Variants in PPP2R2B observed in about 807,000 individuals in gnomAD.
PPP2R2B encodes the protein protein phosphatase 2 regulatory subunit Bbeta, also known as serine/threonine-protein phosphatase 2A 55 kDa regulatory subunit B beta isoform.
A neutral mutation model predicts 46.0 loss-of-function variants in PPP2R2B; 5 were observed. That is an observed-to-expected ratio of 0.11 (90% CI 0.06 to 0.23). PPP2R2B has a LOEUF of 0.23. Among genes scored for constraint, PPP2R2B ranks in the 10% least tolerant of loss-of-function variants. The pLI is 1.00. For synonymous variants in PPP2R2B, 215 were observed against 206.7 expected (o/e 1.04, Z -0.34); for missense variants, 367 against 575.0 (o/e 0.64, Z 3.70).
intron 2 of PPP2R2B, among the ~76,000 whole-genome samples, chr5:146,711,324 G>A (rs1375253872): frequency 6.6e-6 from 1 of 152,034 alleles, no homozygotes; most frequent in East Asian, 1.9e-4. Context: ...CAATACCAAA[G>A]TGGACCAACA....
At chr5:147,044,448 G>A (rs1048165150) in intron 1 of PPP2R2B, among the ~76,000 whole-genome samples, 1 of 152,106 alleles carries the variant, frequency 6.6e-6, no homozygotes, top group Non-Finnish European at 1.5e-5. Flanking sequence ...GATGGGAATA[G>A]GTGTGCTACA....
At chr5:146,630,816 G>T (rs1774376692) in intron 7 of PPP2R2B, among the ~76,000 whole-genome samples, 1 of 152,176 alleles carries the variant, frequency 6.6e-6, no homozygotes, top group Admixed American at 6.5e-5. Flanking sequence ...CTTATACTAT[G>T]TGCCAGGCAT....
At chr5:146,841,497 G>A (rs1302336971) in intron 2 of PPP2R2B, among the ~76,000 whole-genome samples, 1 of 152,040 alleles carries the variant, frequency 6.6e-6, no homozygotes, top group African/African-American at 2.4e-5. Flanking sequence ...TTCCCTATGG[G>A]CAAGACGTAA....
intron 2 of PPP2R2B, among the ~76,000 whole-genome samples, chr5:146,818,625 T>G (rs772507830): frequency 2.6e-5 from 4 of 152,240 alleles, no homozygotes; most frequent in Non-Finnish European, 5.9e-5. Context: ...TTAAGTTATG[T>G]AATTTTCTCA....
chr5:147,081,482 C>G, upstream of PPP2R2B: 1 of 599,788 alleles, frequency 1.7e-6, no homozygotes, highest in East Asian at 2.8e-5. Context: ...GCCCTTTTCA[C>G]GGGAATACTA....
chr5:146,810,112 A>C (rs1561924880), intron 2 of PPP2R2B, among the ~76,000 whole-genome samples: 1 of 152,214 alleles, frequency 6.6e-6, no homozygotes, highest in Admixed American at 6.5e-5. Context: ...AAGCCTGACA[A>C]TTAGCCTTGT....
chr5:147,056,055 C>G (rs1400646958), upstream of PPP2R2B: 1 of 1,147,970 alleles, frequency 8.7e-7, no homozygotes, highest in Non-Finnish European at 1.1e-6. Context: ...CCTGTAAACA[C>G]ACGCTGAAAT....
At chr5:146,731,923 T>G (rs560840557) in intron 2 of PPP2R2B, among the ~76,000 whole-genome samples, 7 of 152,316 alleles carry the variant, frequency 4.6e-5, no homozygotes, top group African/African-American at 1.7e-4. Context: ...TATTGTTAGC[T>G]ATAGCCTTTC....
chr5:146,915,290 T>C (rs1356042214), intron 1 of PPP2R2B, among the ~76,000 whole-genome samples: 3 of 152,188 alleles, frequency 2.0e-5, no homozygotes, highest in Non-Finnish European at 4.4e-5. Context: ...AATCCTCCAA[T>C]GTCTGCCACT....
intron 1 of PPP2R2B, among the ~76,000 whole-genome samples, chr5:147,023,112 A>G (rs1221971134): frequency 6.6e-6 from 1 of 152,242 alleles, no homozygotes; most frequent in Non-Finnish European, 1.5e-5. Flanking sequence ...TATTATATTT[A>G]GACACATATG....
At chr5:146,889,418 A>G (rs1039822038) in intron 1 of PPP2R2B, among the ~76,000 whole-genome samples, 2 of 152,222 alleles carry the variant, frequency 1.3e-5, no homozygotes, top group Admixed American at 6.5e-5. Flanking sequence ...TCAATCTTGT[A>G]TATAATCAGT....
At chr5:146,690,958 C>G (rs528275627) in intron 5 of PPP2R2B, among the ~76,000 whole-genome samples, 170 bp downstream of exon 5, 2 of 152,216 alleles carry the variant, frequency 1.3e-5, no homozygotes, top group African/African-American at 2.4e-5. Context: ...GGCTTGGCAC[C>G]TTTCCTGCTT....
intron 1 of PPP2R2B, among the ~76,000 whole-genome samples, chr5:146,906,133 T>A (rs1297795104): frequency 3.9e-5 from 6 of 152,090 alleles, no homozygotes; most frequent in Non-Finnish European, 5.9e-5. Context: ...TGAGATATGT[T>A]GGAAGTGTAA....
chr5:146,602,927 CA>C (rs1239975160), intron 7 of PPP2R2B, among the ~76,000 whole-genome samples: 2 of 152,138 alleles, frequency 1.3e-5, no homozygotes, highest in Non-Finnish European at 2.9e-5. Context: ...ACATTAGTTT[CA>C]ACTAACAGCT....
At chr5:146,896,172 AG>A (rs934616115) in intron 1 of PPP2R2B, among the ~76,000 whole-genome samples, 5 of 152,150 alleles carry the variant, frequency 3.3e-5, no homozygotes, top group Non-Finnish European at 5.9e-5. Context: ...TTTTAAGAAC[AG>A]GGTAGGCAAT....
chr5:147,057,671 A>C (rs1041987239), upstream of PPP2R2B, among the ~76,000 whole-genome samples: 8 of 152,244 alleles, frequency 5.3e-5, no homozygotes, highest in African/African-American at 1.7e-4. Context: ...GTGATAAACT[A>C]CCAATGTTGC....
chr5:146,687,347 G>A (rs1778572111), intron 5 of PPP2R2B, among the ~76,000 whole-genome samples: 4 of 152,076 alleles, frequency 2.6e-5, no homozygotes. Context: ...TCAAAGCTTG[G>A]TTCTCAGCCC....
chr5:146,742,446 T>C (rs766066065), intron 2 of PPP2R2B, among the ~76,000 whole-genome samples: 8 of 152,198 alleles, frequency 5.3e-5, no homozygotes, highest in Non-Finnish European at 1.2e-4. Flanking sequence ...GAAACATTAA[T>C]GTCTGAATAT....
At chr5:146,601,448 G>A (rs910858427) in intron 7 of PPP2R2B, among the ~76,000 whole-genome samples, 2 of 152,070 alleles carry the variant, frequency 1.3e-5, no homozygotes, top group African/African-American at 2.4e-5. Context: ...AGTTAGCCAG[G>A]CATGGTGGGG....
Sources: gnomAD v4.1 joint callset for allele counts (sites outside exome capture counted in the v4.1 genomes callset) on GRCh38, gnomAD v4.1.1 for gene constraint, MANE v1.5 for transcripts, NCBI Gene and HGNC (gene_info 2026-07-23, HGNC 2026-07-21) for gene names.